Variants in CHSY3 observed in about 807,000 individuals in gnomAD.
CHSY3 encodes N-acetylgalactosaminyl-proteoglycan 3-beta-glucuronosyltransferase 3.
CHSY3 carries 35 observed loss-of-function variants against 67.2 expected under a neutral mutation model. That is an observed-to-expected ratio of 0.52 (90% CI 0.40 to 0.69). CHSY3 has a LOEUF of 0.69. Ranked by LOEUF, CHSY3 falls within the 30% of genes least tolerant of loss-of-function variation. The pLI is 0.00. For synonymous variants in CHSY3, 474 were observed against 434.7 expected (o/e 1.09, Z -1.12); for missense variants, 1,069 against 1,138.5 (o/e 0.94, Z 0.88).
chr5:129,984,203 G>A (rs901046633), intron 2 of CHSY3, among the ~76,000 whole-genome samples: 6 of 151,992 alleles, frequency 3.9e-5, no homozygotes, highest in African/African-American at 1.4e-4. Flanking sequence ...TCTCAAGTAG[G>A]CCTCAATGTC....
chr5:130,031,627 T>G, intron 2 of CHSY3, among the ~76,000 whole-genome samples: 1 of 152,180 alleles, frequency 6.6e-6, no homozygotes. Context: ...AGGGGATATA[T>G]ATCTTGCATA....
At chr5:129,995,717 T>C (rs1561489382) in intron 2 of CHSY3, among the ~76,000 whole-genome samples, 1 of 152,066 alleles carries the variant, frequency 6.6e-6, no homozygotes, top group African/African-American at 2.4e-5. Context: ...TACACTGTTA[T>C]CCACTATACT....
chr5:130,015,019 A>C (rs1279499806), intron 2 of CHSY3, among the ~76,000 whole-genome samples: 1 of 152,204 alleles, frequency 6.6e-6, no homozygotes, highest in East Asian at 1.9e-4. Context: ...CTCTGTACTC[A>C]AATCTCATGT....
chr5:130,128,804 A>T (rs996813991), intron 2 of CHSY3, among the ~76,000 whole-genome samples: 4 of 152,178 alleles, frequency 2.6e-5, no homozygotes, highest in African/African-American at 7.2e-5. Flanking sequence ...AATTGTATAC[A>T]TTAAATATGG....
At chr5:130,069,158 C>T (rs1467500453) in intron 2 of CHSY3, among the ~76,000 whole-genome samples, 1 of 152,032 alleles carries the variant, frequency 6.6e-6, no homozygotes, top group Non-Finnish European at 1.5e-5. Context: ...AGTGCAAGTT[C>T]AGGCCTGTCA....
chr5:129,931,241 A>G (rs1044635053), intron 2 of CHSY3, among the ~76,000 whole-genome samples: 1 of 152,004 alleles, frequency 6.6e-6, no homozygotes, highest in Admixed American at 6.6e-5. Context: ...TGACATCCTC[A>G]TCTTGTTTCA....
chr5:130,050,290 C>T (rs900280456), intron 2 of CHSY3, among the ~76,000 whole-genome samples: 2 of 152,022 alleles, frequency 1.3e-5, no homozygotes, highest in African/African-American at 4.8e-5. Flanking sequence ...AATTACCTTC[C>T]GTTCATTATC....
At chr5:129,954,340 T>C (rs902009030) in intron 2 of CHSY3, among the ~76,000 whole-genome samples, 1 of 152,178 alleles carries the variant, frequency 6.6e-6, no homozygotes, top group Non-Finnish European at 1.5e-5. Flanking sequence ...TTGGTCTATA[T>C]ATCTGTTTTG....
At chr5:130,079,580 A>G (rs182390718) in intron 2 of CHSY3, among the ~76,000 whole-genome samples, 1 of 152,110 alleles carries the variant, frequency 6.6e-6, no homozygotes, top group Non-Finnish European at 1.5e-5. Context: ...GACAAGAAGA[A>G]TAGAATCACA....
intron 2 of CHSY3, among the ~76,000 whole-genome samples, chr5:129,926,821 G>T (rs1761128934): frequency 6.6e-6 from 1 of 151,224 alleles, no homozygotes. Flanking sequence ...TACTCTTGTT[G>T]GTATACATAT....
chr5:129,909,902 T>C (rs1307879153), intron 2 of CHSY3, among the ~76,000 whole-genome samples: 1 of 151,970 alleles, frequency 6.6e-6, no homozygotes, highest in Non-Finnish European at 1.5e-5. Context: ...TTGTGTTTTA[T>C]AGGATACTTT....
chr5:129,987,936 A>T (rs1763252202), intron 2 of CHSY3, among the ~76,000 whole-genome samples: 2 of 152,176 alleles, frequency 1.3e-5, no homozygotes, highest in African/African-American at 4.8e-5. Context: ...CCTATTTCAA[A>T]TCATTCTTAA....
chr5:130,156,889 ACT>A (rs1303275879), intron 2 of CHSY3, among the ~76,000 whole-genome samples: 1 of 152,130 alleles, frequency 6.6e-6, no homozygotes, highest in African/African-American at 2.4e-5. Context: ...CTGTGTGAAG[ACT>A]CTCTTAGAAT....
At position 130,171,735 on chromosome 5, in the gene CHSY3, A is replaced by G. The variant is rs531717358; in HGVS notation, c.1087-12494A>G. 2.0e-3 allele frequency among the ~76,000 whole-genome samples: 305 copies of G among 152,356 alleles called. 1 individual carries two copies. Among genetic ancestry groups the G allele is most frequent in the African/African-American group, 6.8e-3 (283 of 41,592 alleles). On this transcript the variant is annotated intron_variant, in intron 2 of 2. Coordinates refer to ENST00000305031, the MANE Select transcript of CHSY3 (RefSeq NM_175856.5). Reference sequence around the variant, plus strand: ...AAAAATGTGTCAGTTTTAATGGTGCAGATTACCCATATCAGATTGTTACTT... The same window carrying G: ...AAAAATGTGTCAGTTTTAATGGTGCGGATTACCCATATCAGATTGTTACTT...
At chr5:129,934,166 AT>A (rs1180378937) in intron 2 of CHSY3, among the ~76,000 whole-genome samples, 5 of 152,176 alleles carry the variant, frequency 3.3e-5, no homozygotes, top group Non-Finnish European at 7.4e-5. Context: ...ATTATAAAAA[AT>A]GATCTCAATA....
intron 2 of CHSY3, among the ~76,000 whole-genome samples, chr5:129,961,310 G>T (rs1408119668): frequency 2.6e-5 from 4 of 151,990 alleles, no homozygotes; most frequent in Non-Finnish European, 5.9e-5. Flanking sequence ...TAAAATGTGT[G>T]TTCATATTGG....
Position 129,930,505 on chromosome 5 carries a change from TG to T in CHSY3, c.1086+22147del, listed in dbSNP as rs767039886. On this transcript the variant is annotated intron_variant, in intron 2 of 2. Transcript: ENST00000305031. Reference sequence around the variant, plus strand: ...ATAGATGTTTAAAAGGAGGCATCACTGGCGGGGGGGGGGTATGAAGTTTTGC... The same window carrying T: ...ATAGATGTTTAAAAGGAGGCATCACTGCGGGGGGGGGGTATGAAGTTTTGC... Among the ~76,000 whole-genome samples, 183 of 75,338 alleles carry T rather than the reference TG, an allele frequency of 2.4e-3. 2 individuals are homozygous for T. Among genetic ancestry groups the T allele is most frequent in the African/African-American group, 8.0e-3 (143 of 17,802 alleles). 49.4% of individuals were successfully genotyped at this position (75,338 alleles called of 152,430 possible). A position where few individuals can be genotyped will look rare whatever the true frequency, so the allele number is the denominator to read the frequency against.
chr5:129,994,378 T>C (rs1763465302), intron 2 of CHSY3, among the ~76,000 whole-genome samples: 1 of 152,186 alleles, frequency 6.6e-6, no homozygotes, highest in Non-Finnish European at 1.5e-5. Flanking sequence ...TCTTTTCACA[T>C]AGTCCCATAT....
At chr5:130,152,329 A>G (rs980034121) in intron 2 of CHSY3, among the ~76,000 whole-genome samples, 5 of 152,224 alleles carry the variant, frequency 3.3e-5, no homozygotes, top group Non-Finnish European at 7.3e-5. Flanking sequence ...CTAACACTAT[A>G]TTCAGTAAGA....
Sources: allele counts gnomAD v4.1 joint callset (sites outside exome capture counted in the v4.1 genomes callset), GRCh38; gene constraint gnomAD v4.1.1; transcripts MANE v1.5; gene names NCBI Gene and HGNC (gene_info 2026-07-23, HGNC 2026-07-21).